ATP13A5: variants seen among roughly 807,000 people sequenced by gnomAD.
ATP13A5 encodes the protein ATPase 13A5, also known as probable cation-transporting ATPase 13A5.
Under a neutral mutation model 150.2 loss-of-function variants are expected in ATP13A5, and 149 were observed. The ratio of observed to expected loss-of-function variants is 0.99; its 90% CI spans 0.87 to 1.14. The LOEUF is 1.14. ATP13A5 is among the 50% of genes most tolerant of loss of function. The probability of loss-of-function intolerance (pLI) is 0.00; values close to 1 mark genes in which losing one functional copy is unlikely to be tolerated. For missense variants in ATP13A5, 1,383 were observed against 1,449.3 expected (o/e 0.95, Z 0.74); for synonymous variants, 497 against 522.2 (o/e 0.95, Z 0.66).
At chr3:193,294,687 T>C (rs1449857577) in intron 25 of ATP13A5, among the ~76,000 whole-genome samples, 1 of 152,104 alleles carries the variant, frequency 6.6e-6, no homozygotes, top group East Asian at 1.9e-4. Context: ...TAAGAAGCCG[T>C]AATGAGAATA....
At chr3:193,309,729 G>T (rs909992796) in intron 21 of ATP13A5, among the ~76,000 whole-genome samples, 2 of 152,164 alleles carry the variant, frequency 1.3e-5, no homozygotes, top group African/African-American at 4.8e-5. Context: ...AACTGAGGTT[G>T]GCTTCTGTCC....
chr3:193,323,864 T>G (rs1385410117), intron 14 of ATP13A5: 3 of 152,236 alleles, frequency 2.0e-5, no homozygotes, highest in Non-Finnish European at 4.4e-5. Context: ...TTCCCTGCAA[T>G]CATTTGTTCC....
intron 6 of ATP13A5, among the ~76,000 whole-genome samples, chr3:193,352,630 CTT>C (rs1013113852): frequency 7.2e-5 from 11 of 152,204 alleles, no homozygotes; most frequent in African/African-American, 2.6e-4. Context: ...AAGCTGCCTA[CTT>C]TTTGATAGTT....
At chr3:193,331,653 T>C (rs1329230949) in intron 11 of ATP13A5, among the ~76,000 whole-genome samples, 1 of 152,156 alleles carries the variant, frequency 6.6e-6, no homozygotes, top group South Asian at 2.1e-4. Context: ...AGGACATAGA[T>C]TGAATGGATG....
chr3:193,283,289 C>A (rs941541136), intron 27 of ATP13A5, among the ~76,000 whole-genome samples: 2 of 152,078 alleles, frequency 1.3e-5, no homozygotes, highest in Non-Finnish European at 2.9e-5. Context: ...TTTAAAAGCA[C>A]TTTAAAACTA....
intron 1 of ATP13A5, among the ~76,000 whole-genome samples, chr3:193,377,973 C>T (rs1209587769): frequency 6.6e-6 from 1 of 152,168 alleles, no homozygotes; most frequent in East Asian, 1.9e-4. Context: ...AGGATTAGTT[C>T]TTTCATCACT....
At chr3:193,316,790 C>A (rs980590507) in intron 17 of ATP13A5, among the ~76,000 whole-genome samples, 2 of 152,092 alleles carry the variant, frequency 1.3e-5, no homozygotes, top group Admixed American at 1.3e-4. Flanking sequence ...CTGTTATTTC[C>A]TTTGCTGTGC....
intron 27 of ATP13A5, among the ~76,000 whole-genome samples, chr3:193,282,158 G>A (rs1717524975): frequency 6.6e-6 from 1 of 151,926 alleles, no homozygotes; most frequent in Admixed American, 6.6e-5. Flanking sequence ...TGGTGCCACT[G>A]CACTCCAGCC....
intron 9 of ATP13A5, among the ~76,000 whole-genome samples, 166 bp downstream of exon 9, chr3:193,343,761 T>C (rs1712216155): frequency 6.6e-6 from 1 of 152,208 alleles, no homozygotes; most frequent in African/African-American, 2.4e-5. Context: ...TTGTTAAACA[T>C]TTCCTGTTTG....
chr3:193,328,195 C>T (rs1045682233), intron 12 of ATP13A5, among the ~76,000 whole-genome samples: 1 of 152,156 alleles, frequency 6.6e-6, no homozygotes. Flanking sequence ...TTCCTCCAAA[C>T]TAGCAAATGT....
chr3:193,331,121 A>G lies in ATP13A5; in HGVS notation c.1461+2T>C, dbSNP rs768290134. On this transcript the variant is annotated splice_donor_variant, in intron 12 of 29. Transcript: ENST00000342358. LOFTEE classifies it high-confidence loss of function. ...ATTAAACCTGAGAAGTCTGGATCATACTTTGTCAAAGCACACGAGGTTTAT... is the reference window on the plus strand; with the variant it reads ...ATTAAACCTGAGAAGTCTGGATCATGCTTTGTCAAAGCACACGAGGTTTAT... 1 of 1,613,196 alleles carries G rather than the reference A, an allele frequency of 6.2e-7. No individual in the cohort carries two copies. The highest frequency in any genetic ancestry group is 1.1e-5 in the South Asian group (1 of 90,904).
intron 9 of ATP13A5, among the ~76,000 whole-genome samples, chr3:193,340,992 T>C (rs1712097816): frequency 6.6e-6 from 1 of 152,200 alleles, no homozygotes; most frequent in Non-Finnish European, 1.5e-5. Flanking sequence ...ACTTCTAAGC[T>C]GTGTGACCTT....
Position 193,289,679 on chromosome 3 carries a change from TAAC to T in ATP13A5, c.3023+203_3023+205del, listed in dbSNP as rs1717868379. Among the ~76,000 whole-genome samples the T allele has an allele frequency of 3.3e-5, 5 of 152,220 alleles. No individual in the cohort carries two copies. The South Asian group carries it at 1.0e-3, about 32-fold the overall frequency. ...CCAACCAGTTGTTAGATCTATACAT[TAAC>T]AACCAGTGTGACAGATCTCTTCCCA... On this transcript the variant is annotated intron_variant, in intron 26 of 29. Coordinates refer to ENST00000342358, the MANE Select transcript of ATP13A5 (RefSeq NM_198505.4).
At chr3:193,326,302 G>C (rs1719466101) in intron 13 of ATP13A5, among the ~76,000 whole-genome samples, 3 of 151,924 alleles carry the variant, frequency 2.0e-5, no homozygotes, top group Admixed American at 2.0e-4. Context: ...CACCCTCCAG[G>C]GGCCCTCTTT....
chr3:193,336,476 G>A (rs930379052), intron 9 of ATP13A5, among the ~76,000 whole-genome samples: 26 of 152,308 alleles, frequency 1.7e-4, no homozygotes, highest in Admixed American at 4.6e-4. Context: ...CTATGAGTGA[G>A]AACATGTGGT....
At chr3:193,276,347 A>G (rs369546853) in intron 29 of ATP13A5, among the ~76,000 whole-genome samples, 2 of 152,332 alleles carry the variant, frequency 1.3e-5, no homozygotes, top group South Asian at 2.1e-4. Flanking sequence ...TAGAATAAGC[A>G]ACGGCTTCTC....
At chr3:193,360,934 C>T (rs1285879074) in intron 5 of ATP13A5, among the ~76,000 whole-genome samples, 1 of 152,138 alleles carries the variant, frequency 6.6e-6, no homozygotes, top group Admixed American at 6.5e-5. Flanking sequence ...GCCTTGGCCT[C>T]CCAAAGTGCT....
chr3:193,297,283 T>C (rs1016628027), intron 25 of ATP13A5, among the ~76,000 whole-genome samples: 2 of 151,882 alleles, frequency 1.3e-5, no homozygotes, highest in African/African-American at 4.8e-5. Context: ...AGTTCAGGCT[T>C]AATGTAAGGG....
At chr3:193,341,746 T>C (rs577322166) in intron 9 of ATP13A5, among the ~76,000 whole-genome samples, 2 of 152,168 alleles carry the variant, frequency 1.3e-5, no homozygotes, top group African/African-American at 4.8e-5. Flanking sequence ...TGGACACTTT[T>C]AAGGATGGCA....
Sources: allele counts gnomAD v4.1 joint callset (sites outside exome capture counted in the v4.1 genomes callset), GRCh38; gene constraint gnomAD v4.1.1; transcripts MANE v1.5; gene names NCBI Gene and HGNC (gene_info 2026-07-23, HGNC 2026-07-21).